Variants in TNS3 observed in about 807,000 individuals in gnomAD.
TNS3 encodes the protein tensin 3.
A neutral mutation model predicts 140.9 loss-of-function variants in TNS3; 45 were observed. That is an observed-to-expected ratio of 0.32 (90% CI 0.25 to 0.41). The LOEUF (loss-of-function observed/expected upper bound fraction) is 0.41, where lower values mean the gene tolerates loss of function less well. Ranked by LOEUF, TNS3 falls within the 10% of genes least tolerant of loss-of-function variation. TNS3 has a pLI of 1.00. For synonymous variants in TNS3, 815 were observed against 788.4 expected (o/e 1.03, Z -0.56); for missense variants, 1,716 against 1,906.7 (o/e 0.90, Z 1.86).
intron 23 of TNS3, 152 bp from the exon 24 acceptor site, chr7:47,297,365 C>T (rs752413282): frequency 4.3e-6 from 4 of 924,498 alleles, no homozygotes; most frequent in Non-Finnish European, 6.4e-6. Context: ...GCTGGAAGAA[C>T]TACATGTCCA....
At chr7:47,362,361 G>A (rs1790383455) in intron 17 of TNS3, among the ~76,000 whole-genome samples, 1 of 152,148 alleles carries the variant, frequency 6.6e-6, no homozygotes, top group Non-Finnish European at 1.5e-5. Context: ...CTTGTAGGTG[G>A]GCAGGGCTAC....
chr7:47,554,927 C>T (rs562414887), intron 1 of TNS3, among the ~76,000 whole-genome samples: 53 of 151,800 alleles, frequency 3.5e-4, no homozygotes, highest in Non-Finnish European at 4.1e-4. Flanking sequence ...ACTCAGGAGG[C>T]GGAGGCAGGA....
rs537256964 is a variant in TNS3, at chr7:47,296,044, C to T, written c.3676+1038G>A. Reference sequence around the variant, plus strand: ...TGGGAACCAACGACCTGCAATGTCCCCTCAGTCCACAATTTCCATTTGGGG... The same window carrying T: ...TGGGAACCAACGACCTGCAATGTCCTCTCAGTCCACAATTTCCATTTGGGG... On this transcript the variant is annotated intron_variant, in intron 24 of 30. Transcript: ENST00000311160. Among the ~76,000 whole-genome samples, 6 of 152,248 alleles carry T rather than the reference C, an allele frequency of 3.9e-5. No individual in the cohort carries two copies. The South Asian group carries it at 1.0e-3, about 26-fold the overall frequency.
chr7:47,386,845 T>C (rs1183007960), intron 16 of TNS3, among the ~76,000 whole-genome samples: 1 of 152,230 alleles, frequency 6.6e-6, no homozygotes, highest in African/African-American at 2.4e-5. Flanking sequence ...ATCAACCCTG[T>C]TTTTCAAGAA....
chr7:47,474,623 ACACTT>A (rs557613474), intron 4 of TNS3, among the ~76,000 whole-genome samples: 1 of 147,498 alleles, frequency 6.8e-6, no homozygotes, highest in Non-Finnish European at 1.5e-5. Context: ...CTCACACACA[ACACTT>A]CACACACAAC....
intron 17 of TNS3, among the ~76,000 whole-genome samples, chr7:47,351,384 G>A (rs1032978284): frequency 6.6e-6 from 1 of 152,068 alleles, no homozygotes; most frequent in Non-Finnish European, 1.5e-5. Context: ...ATGCTTCCCA[G>A]AGGTTACAAT....
chr7:47,493,288 A>C (rs1014321335), intron 3 of TNS3, among the ~76,000 whole-genome samples: 3 of 152,236 alleles, frequency 2.0e-5, no homozygotes, highest in African/African-American at 7.2e-5. Context: ...AGAATGGCAT[A>C]TCAAATATCA....
chr7:47,399,974 CA>C (rs200484427), intron 15 of TNS3, among the ~76,000 whole-genome samples: 1,824 of 135,768 alleles, frequency 0.013, 14 homozygotes, highest in East Asian at 0.048. Flanking sequence ...AACAAATCCT[CA>C]AAAAAAAAAA....
At chr7:47,511,704 G>T (rs1798613737) in intron 2 of TNS3, among the ~76,000 whole-genome samples, 1 of 152,062 alleles carries the variant, frequency 6.6e-6, no homozygotes, top group South Asian at 2.1e-4. Flanking sequence ...TTCTCCCAGG[G>T]GCTTCTGGCG....
chr7:47,514,448 C>T (rs1481828310), intron 2 of TNS3, among the ~76,000 whole-genome samples: 2 of 152,206 alleles, frequency 1.3e-5, no homozygotes, highest in Admixed American at 1.3e-4. Flanking sequence ...TCATCTTTCT[C>T]TCCTAGCAGG....
chr7:47,295,573 A>T (rs767543407), intron 24 of TNS3, among the ~76,000 whole-genome samples: 3 of 152,086 alleles, frequency 2.0e-5, no homozygotes, highest in Non-Finnish European at 4.4e-5. Context: ...AGAAGATCCT[A>T]CTTTTCAAGA....
chr7:47,341,858 G>C (rs1789036790), intron 20 of TNS3, among the ~76,000 whole-genome samples: 1 of 151,852 alleles, frequency 6.6e-6, no homozygotes, highest in African/African-American at 2.4e-5. Context: ...TCTCAGTGCG[G>C]CTGTATTAAA....
intron 20 of TNS3, among the ~76,000 whole-genome samples, chr7:47,316,319 A>G (rs1295760977): frequency 2.0e-5 from 3 of 152,160 alleles, no homozygotes; most frequent in Non-Finnish European, 4.4e-5. Context: ...AACAGCTCAG[A>G]TCTCCAAGTT....
rs762792430 is a variant in TNS3, at chr7:47,368,910, T to G, written c.1736A>C (p.Tyr579Ser). The G allele has an allele frequency of 1.9e-6, 3 of 1,613,504 alleles. No homozygotes were observed. The South Asian group carries it at 3.3e-5, about 18-fold the overall frequency. ...CTGTGTGGAGTAGCTGCTCTGCCCA[T>G]AGGCCTGCATCTGGGCGGACACTGA... ...KPSVSAQMQAYGQSSYSTQTW... is the reference protein window; with the variant it reads ...KPSVSAQMQASGQSSYSTQTW... Residue 579 changes from tyrosine (Y) to serine (S), a missense_variant, in exon 17 of 31, where the codon TAT (tyrosine) becomes TCT (serine). Physicochemically the swap from Tyr to Ser is moderately radical, Grantham distance 144. Coordinates refer to ENST00000311160, the MANE Select transcript of TNS3 (RefSeq NM_022748.12).
intron 20 of TNS3, among the ~76,000 whole-genome samples, chr7:47,305,267 A>G (rs1361179453): frequency 6.6e-6 from 1 of 152,216 alleles, no homozygotes; most frequent in Non-Finnish European, 1.5e-5. Context: ...TGTCCAGCCC[A>G]TTACCACGAG....
At chr7:47,278,968 T>C (rs1035877518) in intron 30 of TNS3, 6 of 152,208 alleles carry the variant, frequency 3.9e-5, no homozygotes, top group Admixed American at 1.3e-4. Flanking sequence ...TTCCGCATCA[T>C]GAAGGGACCA....
At chr7:47,461,017 T>C (rs1796468720) in intron 4 of TNS3, among the ~76,000 whole-genome samples, 1 of 152,134 alleles carries the variant, frequency 6.6e-6, no homozygotes, top group Non-Finnish European at 1.5e-5. Flanking sequence ...AACTTCAAAA[T>C]TTATTTTCCA....
intron 20 of TNS3, among the ~76,000 whole-genome samples, chr7:47,316,777 C>CAAAAAAAAA (rs766794024): frequency 1.8e-5 from 1 of 55,994 alleles, no homozygotes; most frequent in African/African-American, 5.4e-5. Flanking sequence ...GACTCCATCT[C>CAAAAAAAAA]AAAAAAAAAA....
intron 4 of TNS3, among the ~76,000 whole-genome samples, chr7:47,442,654 A>G (rs1269713385): frequency 2.6e-5 from 4 of 152,212 alleles, no homozygotes; most frequent in Non-Finnish European, 1.5e-5. Flanking sequence ...AAGTGAGGAA[A>G]TTGGGACTCA....
Sources: gnomAD v4.1 joint callset for allele counts (sites outside exome capture counted in the v4.1 genomes callset) on GRCh38, gnomAD v4.1.1 for gene constraint, MANE v1.5 for transcripts, NCBI Gene and HGNC (gene_info 2026-07-23, HGNC 2026-07-21) for gene names.